FRMD4A: variants seen among roughly 807,000 people sequenced by gnomAD.
The protein encoded by FRMD4A is FERM domain-containing protein 4A.
Under a neutral mutation model 129.1 loss-of-function variants are expected in FRMD4A, and 29 were observed. The observed-to-expected ratio is 0.22, with a 90% CI of 0.17 to 0.31. The LOEUF (loss-of-function observed/expected upper bound fraction) is 0.31, where lower values mean the gene tolerates loss of function less well. Ranked by LOEUF, FRMD4A falls within the 10% of genes least tolerant of loss-of-function variation. FRMD4A has a pLI of 1.00. For synonymous variants in FRMD4A, 634 were observed against 571.6 expected (o/e 1.11, Z -1.56); for missense variants, 1,272 against 1,375.8 (o/e 0.92, Z 1.19).
At chr10:14,096,488 C>T (rs1210124833) in intron 2 of FRMD4A, among the ~76,000 whole-genome samples, 1 of 152,220 alleles carries the variant, frequency 6.6e-6, no homozygotes, top group African/African-American at 2.4e-5. Flanking sequence ...ATGTAGGGAG[C>T]TCAGATGTGA....
chr10:13,689,320 C>T (rs568463206), intron 15 of FRMD4A, among the ~76,000 whole-genome samples: 4 of 150,102 alleles, frequency 2.7e-5, no homozygotes, highest in African/African-American at 9.8e-5. Flanking sequence ...TGTGACATGG[C>T]TCAGACACAC....
rs748898441 is a variant in FRMD4A at position 13,656,697 on chromosome 10, C to T, written c.2892G>A (p.Gln964=). The change falls in exon 22 of 25, where the codon CAG becomes CAA. Residue 964 remains glutamine (Q), a synonymous_variant. Coordinates refer to ENST00000357447, the MANE Select transcript of FRMD4A (RefSeq NM_018027.5). The stretch of plus-strand genomic sequence containing the variant: ...CCCTGCTGTGCGCCACGAAGGTGCT[C>T]TGGGAGGAGGTGCTGTACTGCGAGC... ...DSGSQYSTSS[Q]STFVAHSRVT... is the part of the protein sequence containing the mutation. 1 of 1,572,176 alleles carries T rather than the reference C, an allele frequency of 6.4e-7. No individual in the cohort carries two copies. Among genetic ancestry groups the T allele is most frequent in the South Asian group, 1.2e-5 (1 of 85,986 alleles).
intron 2 of FRMD4A, among the ~76,000 whole-genome samples, chr10:14,324,997 T>C (rs773286142): frequency 3.9e-5 from 6 of 152,230 alleles, no homozygotes; most frequent in Non-Finnish European, 8.8e-5. Context: ...CTGAGTCATC[T>C]TGGGCAAGCC....
intron 2 of FRMD4A, among the ~76,000 whole-genome samples, chr10:14,180,451 T>C (rs75434663): frequency 0.015 from 2,323 of 152,258 alleles, 48 homozygotes; most frequent in African/African-American, 0.044. Context: ...ATGGGAAAGA[T>C]ACACCCACGC....
intron 2 of FRMD4A, among the ~76,000 whole-genome samples, chr10:14,040,455 T>C (rs930417871): frequency 2.6e-5 from 4 of 152,150 alleles, no homozygotes; most frequent in Non-Finnish European, 5.9e-5. Context: ...GACTCAATAA[T>C]GGTACTGAAG....
At chr10:13,798,004 CT>C (rs1178118040) in intron 4 of FRMD4A, among the ~76,000 whole-genome samples, 1 of 152,100 alleles carries the variant, frequency 6.6e-6, no homozygotes, top group Non-Finnish European at 1.5e-5. Flanking sequence ...TAGTGACCAC[CT>C]GAAGAACTTT....
chr10:13,694,632 G>T (rs2086041179), intron 14 of FRMD4A, among the ~76,000 whole-genome samples: 1 of 152,196 alleles, frequency 6.6e-6, no homozygotes, highest in South Asian at 2.1e-4. Flanking sequence ...TTAGCTGATG[G>T]AGAAGTGACA....
At chr10:13,823,474 G>A (rs1432582286) in intron 3 of FRMD4A, among the ~76,000 whole-genome samples, 1 of 152,240 alleles carries the variant, frequency 6.6e-6, no homozygotes, top group Non-Finnish European at 1.5e-5. Context: ...GGACTGCCAA[G>A]TCTGCAGCCC....
At chr10:13,989,952 G>A (rs1255884673) in intron 2 of FRMD4A, among the ~76,000 whole-genome samples, 1 of 152,202 alleles carries the variant, frequency 6.6e-6, no homozygotes, top group Non-Finnish European at 1.5e-5. Context: ...CCTTTCTAAA[G>A]GGACACTTTT....
Position 13,701,599 on chromosome 10 carries a change from G to A in FRMD4A, c.837-121C>T, listed in dbSNP as rs548702539. ...AAGCCCTGGCGTAAAGATGATAGAT[G>A]AGCTCTCACATACACCTAGGCGTAC... is the stretch of plus-strand genomic sequence containing the variant. On this transcript the variant is annotated intron_variant, in intron 13 of 24. Transcript: ENST00000357447. The A allele has an allele frequency of 1.4e-3, 1,113 of 820,400 alleles. 10 individuals are homozygous for A. The highest frequency in any genetic ancestry group is 9.1e-3 in the South Asian group (566 of 62,114). The allele number at this position is 820,400 out of a possible 1,614,324, so 50.8% of individuals were successfully genotyped here.
intron 8 of FRMD4A, among the ~76,000 whole-genome samples, chr10:13,750,066 AAGG>A (rs1462846884): frequency 1.6e-4 from 19 of 119,406 alleles, no homozygotes; most frequent in African/African-American, 2.0e-4. Flanking sequence ...GGAAGGAAGG[AAGG>A]AAGAAAGAAA....
rs1250783224 is a variant in FRMD4A at position 14,193,698 on chromosome 10, A to AC, written c.45+136359_45+136360insG. ...GCTGGTCTACAAATTAAAAAAAAAA[A>AC]AACTACAAATAATATATAATATTAT... On this transcript the variant is annotated intron_variant, in intron 2 of 24. Transcript: ENST00000357447. Among the ~76,000 whole-genome samples the AC allele has an allele frequency of 5.9e-5, 9 of 151,350 alleles. No homozygotes were observed. The South Asian group carries it at 1.5e-3, about 25-fold the overall frequency.
chr10:13,778,929 G>T (rs1433154051), intron 6 of FRMD4A, among the ~76,000 whole-genome samples: 1 of 152,106 alleles, frequency 6.6e-6, no homozygotes, highest in Admixed American at 6.5e-5. Context: ...TGCACATTCT[G>T]CATGTGTATC....
intron 2 of FRMD4A, among the ~76,000 whole-genome samples, chr10:14,044,937 G>A (rs1158083707): frequency 2.0e-5 from 3 of 152,044 alleles, no homozygotes; most frequent in Non-Finnish European, 2.9e-5. Flanking sequence ...TTTTTCTTGA[G>A]ATAGGGTCTC....
intron 2 of FRMD4A, among the ~76,000 whole-genome samples, chr10:14,121,733 C>T (rs1838532952): frequency 6.6e-6 from 1 of 152,198 alleles, no homozygotes; most frequent in Non-Finnish European, 1.5e-5. Flanking sequence ...CATGTCGATG[C>T]TAGCATTCCA....
chr10:14,294,940 G>T (rs1343747273), intron 2 of FRMD4A, among the ~76,000 whole-genome samples: 1 of 152,156 alleles, frequency 6.6e-6, no homozygotes, highest in African/African-American at 2.4e-5. Flanking sequence ...ATCTATCCTG[G>T]TATCAGGGGG....
At chr10:14,118,212 C>A (rs761383385) in intron 2 of FRMD4A, among the ~76,000 whole-genome samples, 19 of 152,202 alleles carry the variant, frequency 1.2e-4, no homozygotes, top group Non-Finnish European at 2.5e-4. Flanking sequence ...TTAACAAGCA[C>A]CTTGGAGATT....
intron 6 of FRMD4A, among the ~76,000 whole-genome samples, chr10:13,773,257 T>A (rs1217785113): frequency 6.6e-6 from 1 of 152,208 alleles, no homozygotes; most frequent in Non-Finnish European, 1.5e-5. Context: ...CCGTGAGTCA[T>A]AAAACCCGAC....
intron 2 of FRMD4A, among the ~76,000 whole-genome samples, chr10:14,032,898 T>G (rs919368895): frequency 6.6e-6 from 1 of 152,228 alleles, no homozygotes; most frequent in Non-Finnish European, 1.5e-5. Context: ...CCAGTCTTGG[T>G]AACTTTGCCT....
Sources: gnomAD v4.1 joint callset for allele counts (sites outside exome capture counted in the v4.1 genomes callset) on GRCh38, gnomAD v4.1.1 for gene constraint, MANE v1.5 for transcripts, NCBI Gene and HGNC (gene_info 2026-07-23, HGNC 2026-07-21) for gene names.